The following SCN3B variants were observed in gnomAD, a reference collection of about 807,000 sequenced individuals.
The protein encoded by SCN3B is sodium voltage-gated channel beta subunit 3, also known as sodium channel regulatory subunit beta-3.
In SCN3B, 11 loss-of-function variants were observed where a neutral mutation model predicts 25.4. The observed-to-expected ratio is 0.43, with a 90% CI of 0.27 to 0.72. SCN3B has a LOEUF of 0.72. Among genes scored for constraint, SCN3B ranks in the 30% least tolerant of loss-of-function variants. The pLI is 0.18. For missense variants in SCN3B, 218 were observed against 278.3 expected, an observed-to-expected ratio of 0.78 and a Z score of 1.54; for synonymous variants, 109 against 110.7, an observed-to-expected ratio of 0.99 and a Z score of 0.09.
chr11:123,642,048 G>A lies in SCN3B; in HGVS notation c.445+398C>T, dbSNP rs558111627. 6.6e-6 allele frequency among the ~76,000 whole-genome samples: 1 copy of A among 151,578 alleles called. No individual in the cohort carries two copies. The highest frequency in any genetic ancestry group is 2.1e-4 in the South Asian group (1 of 4,816). On this transcript the variant is annotated intron_variant, in intron 4 of 6. Transcript: ENST00000299333. The surrounding 1 kb of genome is among the most constrained non-coding windows in gnomAD (Gnocchi z 4.3). Reference sequence around the variant, plus strand: ...GCTTAGAGGCATGTATTGCTTACAGGTAGAAGGAGAGATGACTTCCGGGTA... The same window carrying A: ...GCTTAGAGGCATGTATTGCTTACAGATAGAAGGAGAGATGACTTCCGGGTA...
Position 123,630,352 on chromosome 11 carries a change from G to A in SCN3B, c.*3447C>T, listed in dbSNP as rs1382409462. On this transcript the variant is annotated 3_prime_UTR_variant, in exon 7 of 7. Transcript: ENST00000299333. ...CACATTCATGGCTGTGAAGTAGTAA[G>A]AATGGGAAAATCAGATTGAGCCAAG... 3 of 152,656 alleles carry A rather than the reference G, an allele frequency of 2.0e-5. No individual in the cohort carries two copies. Among genetic ancestry groups the A allele is most frequent in the Non-Finnish European group, 2.9e-5 (2 of 68,060 alleles). The allele number at this position is 152,656 out of a possible 1,614,324, so 9.5% of individuals were successfully genotyped here. A position where few individuals can be genotyped will look rare whatever the true frequency, so the allele number is the denominator to read the frequency against.
intron 4 of SCN3B, chr11:123,639,945 ATGT>A (rs1955768596): frequency 6.6e-6 from 1 of 152,148 alleles, no homozygotes; most frequent in African/African-American, 2.4e-5. Context: ...AGTGGGAGAA[ATGT>A]TGTAGCCACC....
chr11:123,641,622 G>C (rs1955792907), intron 4 of SCN3B, among the ~76,000 whole-genome samples: 1 of 152,128 alleles, frequency 6.6e-6, no homozygotes, highest in East Asian at 1.9e-4. Flanking sequence ...TCAGGATGCA[G>C]GACTCCGGTT....
At chr11:123,644,794 AGAGAGAATATATATATATATATATATAT>A (rs1485447134) in intron 3 of SCN3B, among the ~76,000 whole-genome samples, 44 of 89,088 alleles carry the variant, frequency 4.9e-4, no homozygotes, top group African/African-American at 1.4e-3. Flanking sequence ...AGAGAGAGAG[AGAGAGAATATATATATATATATATATAT>A]ATATATATAT....
chr11:123,642,155 T>G lies in SCN3B; in HGVS notation c.445+291A>C, dbSNP rs1955799463. 6.6e-6 allele frequency among the ~76,000 whole-genome samples: 1 copy of G among 152,172 alleles called. No homozygotes were observed. The highest frequency in any genetic ancestry group is 6.5e-5 in the Admixed American group (1 of 15,286). ...GAAGGCCTAGCTGAATCAGTAGCTTTAGGCCTCATGGAGGCTAGCCTCTTT... is the reference window on the plus strand; with the variant it reads ...GAAGGCCTAGCTGAATCAGTAGCTTGAGGCCTCATGGAGGCTAGCCTCTTT... On this transcript the variant is annotated intron_variant, in intron 4 of 6. Coordinates refer to ENST00000299333, the MANE Select transcript of SCN3B (RefSeq NM_001040151.2). The surrounding 1 kb of genome is among the most constrained non-coding windows in gnomAD (Gnocchi z 4.3).
intron 4 of SCN3B, chr11:123,640,607 G>A (rs1955776825): frequency 6.6e-6 from 1 of 152,192 alleles, no homozygotes; most frequent in African/African-American, 2.4e-5. Context: ...CGAACAATCT[G>A]GATTTTCACC....
chr11:123,635,467 G>A (rs1428690637), intron 5 of SCN3B, among the ~76,000 whole-genome samples: 3 of 152,010 alleles, frequency 2.0e-5, no homozygotes, highest in African/African-American at 4.8e-5. Context: ...GGTGCATCAC[G>A]AGGTCAGGAG....
rs1369615259 is a variant in SCN3B at position 123,630,378 on chromosome 11, C to T, written c.*3421G>A. The stretch of plus-strand genomic sequence containing the variant: ...AATGGGAAAATCAGATTGAGCCAAG[C>T]TTGGCCTTTAGTGAATTGTGTTATT... On this transcript the variant is annotated 3_prime_UTR_variant, in exon 7 of 7. Transcript: ENST00000299333. The T allele has an allele frequency of 1.3e-5, 2 of 152,594 alleles. No homozygotes were observed. Among genetic ancestry groups the T allele is most frequent in the African/African-American group, 2.4e-5 (1 of 41,440 alleles). The allele number at this position is 152,594 out of a possible 1,614,324, so 9.5% of individuals were successfully genotyped here.
chr11:123,635,207 A>G (rs1205555043), intron 5 of SCN3B, among the ~76,000 whole-genome samples: 1 of 152,192 alleles, frequency 6.6e-6, no homozygotes, highest in African/African-American at 2.4e-5. Flanking sequence ...TTCTATATAG[A>G]TTAGGAATTT....
At chr11:123,640,113 A>C (rs1438459100) in intron 4 of SCN3B, 2 of 152,234 alleles carry the variant, frequency 1.3e-5, no homozygotes, top group Non-Finnish European at 2.9e-5. Flanking sequence ...AGGATCACCC[A>C]GGTTTCCAAC....
chr11:123,642,619 C>T lies in SCN3B; in HGVS notation c.272G>A (p.Arg91His), dbSNP rs756913203. Residue 91 changes from arginine to histidine, a missense_variant, in exon 4 of 7, where the codon CGC (arginine) becomes CAC (histidine). By Grantham distance (29) the Arg-to-His change is conservative. Transcript: ENST00000299333. This position sits in a 1 kb window ranked among gnomAD's most constrained non-coding sequence, Gnocchi z 4.3. ...HQEVESPFQG[R>H]LQWNGSKDLQ... ...GTCCTTGCTGCCATTCCACTGCAGG[C>T]GCCCCTGAAAGGGGCTCTCCACCTC... is the stretch of plus-strand genomic sequence containing the variant. 6.2e-6 allele frequency: 10 copies of T among 1,614,052 alleles called. No individual in the cohort carries two copies. The highest frequency in any genetic ancestry group is 4.0e-5 in the African/African-American group (3 of 74,920).
chr11:123,640,923 T>C (rs1955782444), intron 4 of SCN3B: 1 of 152,232 alleles, frequency 6.6e-6, no homozygotes, highest in Non-Finnish European at 1.5e-5. Flanking sequence ...CGAGGCTCTG[T>C]GGCTCTGATA....
At chr11:123,633,843 C>A in intron 6 of SCN3B, 67 bp from the exon 7 acceptor site, 2 of 391,102 alleles carry the variant, frequency 5.1e-6, no homozygotes, top group East Asian at 5.8e-5. Context: ...CCCAAAAATT[C>A]TTTGACCAAA....
rs377237114 is a variant in SCN3B at position 123,645,646 on chromosome 11, C to T, written c.160G>A (p.Val54Met). The T allele has an allele frequency of 4.2e-5, 68 of 1,614,092 alleles. No individual in the cohort carries two copies. The highest frequency in any genetic ancestry group is 5.7e-5 in the Non-Finnish European group (67 of 1,180,034). ...RCISCMKREE[V>M]EATTVVEWFY... Reference sequence around the variant, plus strand: ...CATTCCACCACCGTGGTGGCCTCCACCTCCTCTCTCTTCATGCAGGAGATG... The same window carrying T: ...CATTCCACCACCGTGGTGGCCTCCATCTCCTCTCTCTTCATGCAGGAGATG... Residue 54 changes from valine to methionine, a missense_variant, in exon 3 of 7, where the codon GTG (valine) becomes ATG (methionine). By Grantham distance (21) the Val-to-Met change is conservative. Transcript: ENST00000299333.
chr11:123,634,252 G>A (rs1000071497), intron 5 of SCN3B, 46 bp from the exon 6 acceptor site: 13 of 1,494,924 alleles, frequency 8.7e-6, no homozygotes, highest in Admixed American at 1.7e-5. Flanking sequence ...AGTGCCCAGC[G>A]TGGGAACACA....
chr11:123,636,077 G>A (rs544701106), intron 5 of SCN3B, among the ~76,000 whole-genome samples: 5 of 152,194 alleles, frequency 3.3e-5, no homozygotes, highest in African/African-American at 9.6e-5. Flanking sequence ...ATCTAGTTAC[G>A]TTTAAAGTCT....
chr11:123,653,340 T>TTA (rs1555116891), intron 2 of SCN3B, among the ~76,000 whole-genome samples: 17 of 146,006 alleles, frequency 1.2e-4, no homozygotes, highest in African/African-American at 2.2e-4. Flanking sequence ...TTTTTTTTTT[T>TTA]AATATACAGA....
chr11:123,637,349 T>C (rs949974754), intron 5 of SCN3B, among the ~76,000 whole-genome samples: 13 of 152,060 alleles, frequency 8.5e-5, no homozygotes, highest in Admixed American at 6.5e-4. Context: ...AGGAGCTCCA[T>C]GGTATAAAGC....
rs763016117 is a variant in SCN3B at position 123,642,666 on chromosome 11, G to A, written c.225C>T (p.Tyr75=). Residue 75 remains tyrosine (Y), a synonymous_variant, in exon 4 of 7, where the codon TAC becomes TAT. Transcript: ENST00000299333. The surrounding 1 kb of genome is among the most constrained non-coding windows in gnomAD (Gnocchi z 4.3). The part of the protein sequence containing the change: ...RPEGGKDFLI[Y]EYRNGHQEVE... ...CCTCCTGGTGGCCATTCCGATACTC[G>A]TAAATCTGCAGATAGAGGAGCAGAA... 9.9e-6 allele frequency: 16 copies of A among 1,613,230 alleles called. No individual in the cohort carries two copies. Among genetic ancestry groups the A allele is most frequent in the South Asian group, 3.3e-5 (3 of 91,066 alleles).
Sources: allele counts gnomAD v4.1 joint callset (sites outside exome capture counted in the v4.1 genomes callset), GRCh38; gene constraint gnomAD v4.1.1; non-coding constraint Gnocchi (gnomAD v3.1); transcripts MANE v1.5; gene names NCBI Gene and HGNC (gene_info 2026-07-23, HGNC 2026-07-21).